FCHO2: variants seen among roughly 807,000 people sequenced by gnomAD.
FCHO2 encodes the protein FCH and mu domain containing endocytic adaptor 2.
A neutral mutation model predicts 114.1 loss-of-function variants in FCHO2; 43 were observed. The ratio of observed to expected loss-of-function variants is 0.38; its 90% CI spans 0.30 to 0.49. The LOEUF is 0.49. FCHO2 is among the 20% of genes least tolerant of loss of function. The pLI is 0.97. For missense variants in FCHO2, 807 were observed against 950.4 expected, an observed-to-expected ratio of 0.85 and a Z score of 1.98; for synonymous variants, 293 against 315.2, an observed-to-expected ratio of 0.93 and a Z score of 0.75.
chr5:73,083,849 T>C (rs1743203887), intron 24 of FCHO2, among the ~76,000 whole-genome samples: 1 of 141,674 alleles, frequency 7.1e-6, no homozygotes, highest in African/African-American at 2.6e-5. Flanking sequence ...GCTGAGATGG[T>C]GCCCCTGCTC....
intron 1 of FCHO2, among the ~76,000 whole-genome samples, chr5:72,958,510 G>A (rs924569958): frequency 1.3e-5 from 2 of 152,138 alleles, no homozygotes; most frequent in Non-Finnish European, 2.9e-5. Flanking sequence ...ATTCATTTCT[G>A]TATTTTCAAT....
At chr5:72,996,550 C>T (rs1754114905) in intron 5 of FCHO2, among the ~76,000 whole-genome samples, 2 of 145,876 alleles carry the variant, frequency 1.4e-5, no homozygotes, top group South Asian at 2.3e-4. Flanking sequence ...ACCCCTTCAT[C>T]CTTGCTCCCT....
At chr5:73,074,027 T>C (rs1742798408) in intron 19 of FCHO2, among the ~76,000 whole-genome samples, 1 of 151,948 alleles carries the variant, frequency 6.6e-6, no homozygotes, top group Non-Finnish European at 1.5e-5. Context: ...ATGCACTATT[T>C]TGAGGGGATA....
At chr5:73,027,535 TG>T (rs1179886472) in intron 8 of FCHO2, among the ~76,000 whole-genome samples, 1 of 152,126 alleles carries the variant, frequency 6.6e-6, no homozygotes, top group African/African-American at 2.4e-5. Flanking sequence ...TTCCTTTAGT[TG>T]AAGTTTTGTA....
intron 17 of FCHO2, among the ~76,000 whole-genome samples, chr5:73,061,167 G>A (rs1243589353): frequency 6.6e-6 from 1 of 152,104 alleles, no homozygotes; most frequent in Non-Finnish European, 1.5e-5. Context: ...CAGCATTGTT[G>A]CTTTGCCACC....
intron 8 of FCHO2, among the ~76,000 whole-genome samples, chr5:73,018,523 C>CTTTT (rs70973220): frequency 0.02 from 2,707 of 132,072 alleles, 37 homozygotes; most frequent in Non-Finnish European, 0.033. Context: ...TAACTTTCTT[C>CTTTT]TTTTTTTTTT....
In FCHO2 at chr5:73,058,429, G is replaced by A; in HGVS notation, c.1254-4G>A. Reference sequence around the variant, plus strand: ...AATTTTTGCTTTTAAAAATATTATGGTAGAAAAGGAACCAGTGATTTACTT... The same window carrying A: ...AATTTTTGCTTTTAAAAATATTATGATAGAAAAGGAACCAGTGATTTACTT... On this transcript the variant is annotated splice_region_variant and splice_polypyrimidine_tract_variant and intron_variant, in intron 16 of 25. Transcript: ENST00000430046. The A allele has an allele frequency of 1.9e-6, 3 of 1,538,562 alleles. No homozygotes were observed. The highest frequency in any genetic ancestry group is 2.6e-6 in the Non-Finnish European group (3 of 1,142,356).
At chr5:73,062,448 A>G (rs900589607) in intron 17 of FCHO2, among the ~76,000 whole-genome samples, 1 of 152,056 alleles carries the variant, frequency 6.6e-6, no homozygotes, top group African/African-American at 2.4e-5. Flanking sequence ...GGCTAGTGCT[A>G]GTTTCATTGA....
intron 9 of FCHO2, among the ~76,000 whole-genome samples, chr5:73,035,115 A>G (rs143869615): frequency 6.8e-4 from 104 of 152,228 alleles, no homozygotes; most frequent in Middle Eastern, 3.4e-3. Flanking sequence ...TCATTAATTT[A>G]TGTTAATATT....
Position 73,011,896 on chromosome 5 carries a change from C to T in FCHO2, c.601-3730C>T, listed in dbSNP as rs138806592. On this transcript the variant is annotated intron_variant, in intron 6 of 25. Transcript: ENST00000430046. Reference sequence around the variant, plus strand: ...CTGCCCTCCAGCCTGGGCAACAGAGCGAGACTCCATCTCAGGAAAAAAAAA... The same window carrying T: ...CTGCCCTCCAGCCTGGGCAACAGAGTGAGACTCCATCTCAGGAAAAAAAAA... Among the ~76,000 whole-genome samples, 298 of 150,490 alleles carry T rather than the reference C, an allele frequency of 2.0e-3. 3 individuals are homozygous for T. The highest frequency in any genetic ancestry group is 6.5e-3 in the African/African-American group (267 of 40,826).
chr5:73,064,969 T>G (rs1757997236), intron 18 of FCHO2, among the ~76,000 whole-genome samples: 1 of 152,048 alleles, frequency 6.6e-6, no homozygotes. Context: ...TTGTATGTAC[T>G]TTTTTTGTGT....
chr5:73,071,191 C>G (rs535606276), intron 19 of FCHO2, among the ~76,000 whole-genome samples: 12 of 152,046 alleles, frequency 7.9e-5, no homozygotes, highest in African/African-American at 2.9e-4. Flanking sequence ...TATAAAAACA[C>G]GATATTTTTG....
intron 5 of FCHO2, among the ~76,000 whole-genome samples, chr5:73,002,632 G>T (rs1436239846): frequency 6.6e-6 from 1 of 152,132 alleles, no homozygotes; most frequent in Non-Finnish European, 1.5e-5. Context: ...TTTTTAAAAT[G>T]ATTTATTCAA....
chr5:73,063,891 C>T lies in FCHO2; in HGVS notation c.1396C>T (p.Pro466Ser). Reference sequence around the variant, plus strand: ...AGGCACCATTGTCCCACCTCCGAGGCCTGCTTCCAGACCAAAGCTTACTTC... The same window carrying T: ...AGGCACCATTGTCCCACCTCCGAGGTCTGCTTCCAGACCAAAGCTTACTTC... ...SVGTIVPPPR[P>S]ASRPKLTSGK... The change falls in exon 18 of 26, where the codon CCT (proline) becomes TCT (serine). Residue 466 changes from proline (P) to serine (S), a missense_variant. Coordinates refer to ENST00000430046, the MANE Select transcript of FCHO2 (RefSeq NM_138782.3). 6.2e-7 allele frequency: 1 copy of T among 1,612,134 alleles called. No homozygotes were observed. The highest frequency in any genetic ancestry group is 8.5e-7 in the Non-Finnish European group (1 of 1,178,922).
chr5:73,032,204 A>G (rs1325979637), intron 8 of FCHO2, among the ~76,000 whole-genome samples: 1 of 152,252 alleles, frequency 6.6e-6, no homozygotes, highest in African/African-American at 2.4e-5. Flanking sequence ...CATTTGTAAA[A>G]GAAAATCTTG....
intron 5 of FCHO2, chr5:72,997,245 C>T (rs775176086): frequency 8.7e-7 from 1 of 1,154,388 alleles, no homozygotes; most frequent in Non-Finnish European, 1.3e-6. Context: ...CATTAGAGGC[C>T]CCATGTGGAT....
chr5:73,069,622 TG>T lies in FCHO2; in HGVS notation c.1579+849del, dbSNP rs1332352617. Among the ~76,000 whole-genome samples, 7 of 151,814 alleles carry T rather than the reference TG, an allele frequency of 4.6e-5. No homozygotes were observed. The South Asian group carries it at 8.3e-4, about 18-fold the overall frequency. ...TCAGGCTGTAATTTGAGTGATGGGG[TG>T]GGGGGCGGTTTACTTTAAATACAGA... is the stretch of plus-strand genomic sequence containing the variant. On this transcript the variant is annotated intron_variant, in intron 19 of 25. Coordinates refer to ENST00000430046, the MANE Select transcript of FCHO2 (RefSeq NM_138782.3).
At position 73,089,382 on chromosome 5, in the gene FCHO2, A is replaced by G. The variant is rs2112902510; in HGVS notation, c.*1292A>G. The G allele has an allele frequency of 6.6e-6, 1 of 152,228 alleles. No individual in the cohort carries two copies. Among genetic ancestry groups the G allele is most frequent in the South Asian group, 2.1e-4 (1 of 4,832 alleles). 9.4% of individuals were successfully genotyped at this position (152,228 alleles called of 1,614,324 possible). ...TGGAAACAGAAGGAGAAGCACTGCC[A>G]TTTGTTTTTATTTCAACAATTGGAA... On this transcript the variant is annotated 3_prime_UTR_variant, in exon 26 of 26. Coordinates refer to ENST00000430046, the MANE Select transcript of FCHO2 (RefSeq NM_138782.3).
chr5:73,014,808 G>A (rs890891696), intron 6 of FCHO2, among the ~76,000 whole-genome samples: 4 of 151,768 alleles, frequency 2.6e-5, no homozygotes, highest in Non-Finnish European at 5.9e-5. Context: ...GGCTGGGTGC[G>A]GTGGCTCACG....
Sources: allele counts gnomAD v4.1 joint callset (sites outside exome capture counted in the v4.1 genomes callset), GRCh38; gene constraint gnomAD v4.1.1; transcripts MANE v1.5; gene names NCBI Gene and HGNC (gene_info 2026-07-23, HGNC 2026-07-21).